CD2AP: variants seen among roughly 807,000 people sequenced by gnomAD.
CD2AP encodes the protein CD2 associated protein, also known as CD2-associated protein.
Under a neutral mutation model 85.1 loss-of-function variants are expected in CD2AP, and 46 were observed. The ratio of observed to expected loss-of-function variants is 0.54; its 90% CI spans 0.43 to 0.69. CD2AP has a LOEUF of 0.69. CD2AP is among the 30% of genes least tolerant of loss of function. The probability of loss-of-function intolerance (pLI) is 0.00; values close to 1 mark genes in which losing one functional copy is unlikely to be tolerated. For synonymous variants in CD2AP, 255 were observed against 252.9 expected (o/e 1.01, Z -0.08); for missense variants, 769 against 729.5 (o/e 1.05, Z -0.62).
rs6905210 is a variant in CD2AP, at chr6:47,493,175, T to C, written c.5-10105T>C. Among the ~76,000 whole-genome samples, 1,402 of 152,320 alleles carry C rather than the reference T, an allele frequency of 9.2e-3. 24 individuals are homozygous for C. The highest frequency in any genetic ancestry group is 0.032 in the African/African-American group (1,343 of 41,586). On this transcript the variant is annotated intron_variant, in intron 1 of 17. Transcript: ENST00000359314. ...TCTTCATTTATTCCTTCTATGCTTC[T>C]TCTTCATATTGATTTGAGTTTCTGA... is the stretch of plus-strand genomic sequence containing the variant.
At chr6:47,550,827 A>G (rs1317691948) in intron 4 of CD2AP, among the ~76,000 whole-genome samples, 1 of 152,234 alleles carries the variant, frequency 6.6e-6, no homozygotes, top group Non-Finnish European at 1.5e-5. Flanking sequence ...TGGTATGTAT[A>G]TATGTGCTGG....
At chr6:47,521,930 G>A (rs1044902800) in intron 2 of CD2AP, among the ~76,000 whole-genome samples, 3 of 152,008 alleles carry the variant, frequency 2.0e-5, no homozygotes, top group African/African-American at 7.2e-5. Flanking sequence ...CAGGAGAATT[G>A]CTTGAACCTG....
chr6:47,562,676 TGGG>T, intron 5 of CD2AP: 1 of 603,042 alleles, frequency 1.7e-6, no homozygotes, highest in South Asian at 1.9e-5. Flanking sequence ...CACTGCTTTA[TGGG>T]AGGTTCAGAA....
intron 13 of CD2AP, among the ~76,000 whole-genome samples, chr6:47,604,967 T>A (rs1376941827): frequency 6.6e-6 from 1 of 152,082 alleles, no homozygotes; most frequent in African/African-American, 2.4e-5. Flanking sequence ...TGATGCCTTT[T>A]TTTCTGCCTT....
At chr6:47,544,728 G>A in intron 4 of CD2AP, 22 bp downstream of exon 4, 1 of 1,343,108 alleles carries the variant, frequency 7.4e-7, no homozygotes, top group Non-Finnish European at 1.1e-6. Flanking sequence ...ATGTGTTACA[G>A]GTAAAACAGT....
intron 2 of CD2AP, among the ~76,000 whole-genome samples, chr6:47,504,231 A>G (rs1227952420): frequency 2.6e-5 from 4 of 152,238 alleles, no homozygotes; most frequent in Non-Finnish European, 5.9e-5. Context: ...ATCCAGCTTC[A>G]TTCCCTGGCC....
chr6:47,581,937 G>A (rs1768492270), intron 10 of CD2AP, 66 bp from the exon 11 acceptor site: 2 of 997,026 alleles, frequency 2.0e-6, no homozygotes, highest in African/African-American at 3.2e-5. Context: ...TTACTTTTTA[G>A]AAGTGTAATT....
In CD2AP at chr6:47,599,313, A is replaced by G; in HGVS notation, c.1287A>G (p.Glu429=). ...PPPPIAKING[E]VSSISSKFET... ...TTTCTTATTTCAGGATTAATGGGGA[A>G]GTTTCTAGCATTTCATCAAAATTTG... is the stretch of plus-strand genomic sequence containing the variant. Residue 429 remains glutamate (E), a synonymous_variant, in exon 13 of 18, where the codon GAA becomes GAG. Coordinates refer to ENST00000359314, the MANE Select transcript of CD2AP (RefSeq NM_012120.3). 1 of 1,612,196 alleles carries G rather than the reference A, an allele frequency of 6.2e-7. No individual in the cohort carries two copies. Among genetic ancestry groups the G allele is most frequent in the South Asian group, 1.1e-5 (1 of 91,042 alleles).
chr6:47,516,023 C>A (rs975544219), intron 2 of CD2AP, among the ~76,000 whole-genome samples: 2 of 152,126 alleles, frequency 1.3e-5, no homozygotes, highest in African/African-American at 2.4e-5. Context: ...TTGTAAAATG[C>A]ATTTAATCAT....
At chr6:47,550,319 A>G (rs1336759487) in intron 4 of CD2AP, among the ~76,000 whole-genome samples, 2 of 152,222 alleles carry the variant, frequency 1.3e-5, no homozygotes, top group South Asian at 2.1e-4. Context: ...ACAAAGGACT[A>G]CTATCCAGAA....
intron 2 of CD2AP, among the ~76,000 whole-genome samples, chr6:47,511,406 A>G (rs1188511600): frequency 6.6e-6 from 1 of 152,262 alleles, no homozygotes; most frequent in African/African-American, 2.4e-5. Flanking sequence ...CAAAGGAGAC[A>G]TAATAACCAA....
At chr6:47,510,647 A>G (rs1321516845) in intron 2 of CD2AP, among the ~76,000 whole-genome samples, 3 of 152,196 alleles carry the variant, frequency 2.0e-5, no homozygotes, top group Non-Finnish European at 4.4e-5. Context: ...ATATAAATAA[A>G]TGGTTGAATA....
At chr6:47,530,545 A>G (rs182721809) in intron 2 of CD2AP, among the ~76,000 whole-genome samples, 101 of 152,284 alleles carry the variant, frequency 6.6e-4, no homozygotes, top group African/African-American at 2.3e-3. Flanking sequence ...TTTATTGCTG[A>G]GTAGTGTTCC....
chr6:47,603,440 T>A (rs1420619517), intron 13 of CD2AP, among the ~76,000 whole-genome samples: 1 of 152,084 alleles, frequency 6.6e-6, no homozygotes, highest in Admixed American at 6.6e-5. Flanking sequence ...ACATGCTGAT[T>A]TATTACTCTG....
At chr6:47,483,014 G>T (rs1765483907) in intron 1 of CD2AP, among the ~76,000 whole-genome samples, 1 of 152,180 alleles carries the variant, frequency 6.6e-6, no homozygotes, top group Non-Finnish European at 1.5e-5. Context: ...AGCAAGTTGT[G>T]AAAGATCTGA....
intron 10 of CD2AP, among the ~76,000 whole-genome samples, chr6:47,581,765 A>AG (rs1470743710): frequency 6.6e-6 from 1 of 152,226 alleles, no homozygotes; most frequent in African/African-American, 2.4e-5. Flanking sequence ...AGTACGGTAG[A>AG]GGATATGATC....
intron 1 of CD2AP, among the ~76,000 whole-genome samples, chr6:47,480,605 A>G (rs889916032): frequency 2.0e-4 from 30 of 152,206 alleles, no homozygotes; most frequent in African/African-American, 7.2e-4. Context: ...ATGGAATAAA[A>G]TATCAACCTC....
chr6:47,497,531 T>C (rs9395262), intron 1 of CD2AP, among the ~76,000 whole-genome samples: 40,802 of 151,888 alleles, frequency 0.27, 5,668 homozygotes, highest in African/African-American at 0.33. Flanking sequence ...TCACTTCAGC[T>C]TCCCCAGTAG....
Position 47,609,288 on chromosome 6 carries a change from C to G in CD2AP, c.1798C>G (p.Leu600Val). The G allele has an allele frequency of 6.2e-7, 1 of 1,613,138 alleles. No homozygotes were observed. ...IIELLCIVEA[L>V]KKDHGKELEK... ...TGAATTGTTGTGCATTGTAGAAGCA[C>G]TGAAAAAGGATCACGGGTAAGTAGC... The change falls in exon 16 of 18, where the codon CTG (leucine) becomes GTG (valine). Residue 600 changes from leucine (L) to valine (V), a missense_variant. By Grantham distance (32) the Leu-to-Val change is conservative. Transcript: ENST00000359314.
Sources: gnomAD v4.1 joint callset for allele counts (sites outside exome capture counted in the v4.1 genomes callset) on GRCh38, gnomAD v4.1.1 for gene constraint, MANE v1.5 for transcripts, NCBI Gene and HGNC (gene_info 2026-07-23, HGNC 2026-07-21) for gene names.